AKNAD1: variants seen among roughly 807,000 people sequenced by gnomAD.
The protein encoded by AKNAD1 is protein AKNAD1.
In AKNAD1, 67 loss-of-function variants were observed where a neutral mutation model predicts 90.8. The ratio of observed to expected loss-of-function variants is 0.74; its 90% confidence interval spans 0.61 to 0.90. The LOEUF is 0.90. AKNAD1 is among the 40% of genes least tolerant of loss of function. The probability of loss-of-function intolerance (pLI) is 0.00; values close to 1 mark genes in which losing one functional copy is unlikely to be tolerated. For synonymous variants in AKNAD1, 327 were observed against 341.4 expected (o/e 0.96, Z 0.46); for missense variants, 957 against 975.4 (o/e 0.98, Z 0.25).
chr1:108,834,468 C>T lies in AKNAD1; in HGVS notation c.1725G>A (p.Met575Ile). Residue 575 changes from methionine to isoleucine, a missense_variant, in exon 9 of 16, where the codon ATG (methionine) becomes ATA (isoleucine). Met to Ile is a conservative substitution (Grantham distance 10). Transcript: ENST00000370001. ...AAQNKPDQVAMRLSSNSGEDP... is the reference protein window; with the variant it reads ...AAQNKPDQVAIRLSSNSGEDP... ...TTACCCCAGAGTTAGAAGACAGCCT[C>T]ATGGCCACTTGGTCTGGCTTGTTCT... The T allele has an allele frequency of 6.2e-7, 1 of 1,611,070 alleles. No individual in the cohort carries two copies. Among genetic ancestry groups the T allele is most frequent in the Non-Finnish European group, 8.5e-7 (1 of 1,178,842 alleles).
At chr1:108,835,791 A>C (rs377610940) in intron 7 of AKNAD1, among the ~76,000 whole-genome samples, 1 of 148,970 alleles carries the variant, frequency 6.7e-6, no homozygotes, top group African/African-American at 2.6e-5. Context: ...CGCCCGGCTA[A>C]TTTTTTGTAT....
intron 9 of AKNAD1, among the ~76,000 whole-genome samples, chr1:108,832,783 T>TA (rs1664250899): frequency 6.6e-6 from 1 of 152,238 alleles, no homozygotes; most frequent in South Asian, 2.1e-4. Context: ...AATAATGAGA[T>TA]ATCAGTTTTC....
intron 6 of AKNAD1, among the ~76,000 whole-genome samples, chr1:108,839,680 T>C (rs1471461527): frequency 6.6e-6 from 1 of 152,170 alleles, no homozygotes; most frequent in African/African-American, 2.4e-5. Flanking sequence ...TGATGAAGCT[T>C]ATCTATTTGA....
chr1:108,846,382 C>T (rs1294318044), intron 5 of AKNAD1, among the ~76,000 whole-genome samples: 1 of 152,196 alleles, frequency 6.6e-6, no homozygotes, highest in Non-Finnish European at 1.5e-5. Context: ...CTCTGCTCTG[C>T]TCAGCCCTTT....
At chr1:108,838,010 G>C (rs1447423405) in intron 6 of AKNAD1, among the ~76,000 whole-genome samples, 7 of 152,104 alleles carry the variant, frequency 4.6e-5, no homozygotes, top group Admixed American at 4.6e-4. Flanking sequence ...TGATGATTTT[G>C]AGATCCCTTA....
At chr1:108,832,488 G>A (rs1274965387) in intron 9 of AKNAD1, among the ~76,000 whole-genome samples, 2 of 151,950 alleles carry the variant, frequency 1.3e-5, no homozygotes, top group South Asian at 2.1e-4. Flanking sequence ...GCCTACCAAA[G>A]TGCTGGGATT....
chr1:108,818,076 A>G (rs1478465691), intron 14 of AKNAD1, among the ~76,000 whole-genome samples: 1 of 152,156 alleles, frequency 6.6e-6, no homozygotes, highest in East Asian at 1.9e-4. Flanking sequence ...TGTGCAGAGC[A>G]TGGCTCTAGG....
chr1:108,815,942 G>T lies in AKNAD1; in HGVS notation c.*229C>A. On this transcript the variant is annotated 3_prime_UTR_variant, in exon 16 of 16. Coordinates refer to ENST00000370001, the MANE Select transcript of AKNAD1 (RefSeq NM_152763.5). ...TTTATTATGAGTTAAGAAGAACATAGATTTATTTTAAAATAAATACTTGTT... is the reference window on the plus strand; with the variant it reads ...TTTATTATGAGTTAAGAAGAACATATATTTATTTTAAAATAAATACTTGTT... 3.4e-6 allele frequency: 1 copy of T among 293,220 alleles called. No homozygotes were observed. The highest frequency in any genetic ancestry group is 6.2e-6 in the Non-Finnish European group (1 of 162,150). The allele number at this position is 293,220 out of a possible 1,614,324, so 18.2% of individuals were successfully genotyped here. A position where few individuals can be genotyped will look rare whatever the true frequency, so the allele number is the denominator to read the frequency against.
rs144741359 is a variant in AKNAD1, at chr1:108,835,032, G to T, written c.1561C>A (p.Pro521Thr). The change falls in exon 8 of 16, where the codon CCT (proline) becomes ACT (threonine). Residue 521 changes from proline to threonine, a missense_variant. By Grantham distance (38) the Pro-to-Thr change is conservative. Transcript: ENST00000370001. ...CCACCTGAGCCTCGAGGCCCAGAAGGGTGGCCGGGGTGCTCCTTGGGAATC... is the reference window on the plus strand; with the variant it reads ...CCACCTGAGCCTCGAGGCCCAGAAGTGTGGCCGGGGTGCTCCTTGGGAATC... The part of the protein sequence containing the change: ...NEIPKEHPGH[P>T]SGPRGSGGSE... 6.4e-7 allele frequency: 1 copy of T among 1,572,364 alleles called. No homozygotes were observed. The highest frequency in any genetic ancestry group is 1.4e-5 in the African/African-American group (1 of 71,212).
intron 5 of AKNAD1, among the ~76,000 whole-genome samples, chr1:108,847,129 G>C (rs1664725212): frequency 6.6e-6 from 1 of 151,912 alleles, no homozygotes; most frequent in Non-Finnish European, 1.5e-5. Flanking sequence ...TGCCCCCATG[G>C]TGCTTCCCAT....
At chr1:108,844,480 G>A (rs1360511276) in intron 5 of AKNAD1, among the ~76,000 whole-genome samples, 1 of 151,912 alleles carries the variant, frequency 6.6e-6, no homozygotes, top group African/African-American at 2.4e-5. Flanking sequence ...CTTTGCCAAG[G>A]CCCAGTGGAA....
chr1:108,823,154 C>T, intron 13 of AKNAD1: 1 of 717,310 alleles, frequency 1.4e-6, no homozygotes, highest in Non-Finnish European at 2.6e-6. Flanking sequence ...AGTCCTTGGT[C>T]ACTGCGATTT....
chr1:108,817,078 G>A lies in AKNAD1; in HGVS notation c.2349C>T (p.Asp783=). ...CRISGSKSLC[D]FDSTEEIKSE... is the part of the protein sequence containing the mutation. Reference sequence around the variant, plus strand: ...ATTTTATTTCTTCAGTGCTATCAAAGTCACATAAGGATTTGCTTCCAGAAA... The same window carrying A: ...ATTTTATTTCTTCAGTGCTATCAAAATCACATAAGGATTTGCTTCCAGAAA... The change falls in exon 15 of 16, where the codon GAC becomes GAT. Residue 783 remains aspartate, a synonymous_variant. Coordinates refer to ENST00000370001, the MANE Select transcript of AKNAD1 (RefSeq NM_152763.5). 1 of 1,614,132 alleles carries A rather than the reference G, an allele frequency of 6.2e-7. No individual in the cohort carries two copies. The highest frequency in any genetic ancestry group is 8.5e-7 in the Non-Finnish European group (1 of 1,179,998).
At chr1:108,820,860 G>A (rs1663789797) in intron 13 of AKNAD1, among the ~76,000 whole-genome samples, 1 of 151,820 alleles carries the variant, frequency 6.6e-6, no homozygotes, top group South Asian at 2.1e-4. Context: ...CCAGGAGTTT[G>A]CGACCAGTCT....
chr1:108,820,315 C>G (rs1326344068), intron 14 of AKNAD1, among the ~76,000 whole-genome samples: 1 of 152,200 alleles, frequency 6.6e-6, no homozygotes, highest in African/African-American at 2.4e-5. Context: ...TCTGTGAGGG[C>G]AGGGACAGTG....
At chr1:108,820,507 G>T in intron 14 of AKNAD1, 38 bp downstream of exon 14, 1 of 1,376,478 alleles carries the variant, frequency 7.3e-7, no homozygotes, top group Non-Finnish European at 1.0e-6. Context: ...CCCAACCAAT[G>T]AGAAATATTT....
chr1:108,848,637 G>T, intron 5 of AKNAD1, 115 bp downstream of exon 5: 1 of 933,050 alleles, frequency 1.1e-6, no homozygotes, highest in Non-Finnish European at 1.6e-6. Context: ...TTAATCTTTA[G>T]CAAAACATTT....
At chr1:108,821,684 A>G (rs531718656) in intron 13 of AKNAD1, among the ~76,000 whole-genome samples, 3 of 152,338 alleles carry the variant, frequency 2.0e-5, no homozygotes, top group Admixed American at 6.5e-5. Flanking sequence ...TGATTATGTT[A>G]CAAAGACAAT....
At chr1:108,850,406 G>A (rs755690444) in intron 2 of AKNAD1, among the ~76,000 whole-genome samples, 51 of 152,152 alleles carry the variant, frequency 3.4e-4, no homozygotes, top group African/African-American at 9.6e-4. Flanking sequence ...TGCTAACCAC[G>A]GGGCACTGAG....
Sources: allele counts gnomAD v4.1 joint callset (sites outside exome capture counted in the v4.1 genomes callset), GRCh38; gene constraint gnomAD v4.1.1; transcripts MANE v1.5; gene names NCBI Gene and HGNC (gene_info 2026-07-23, HGNC 2026-07-21).